NAA11: variants seen among roughly 807,000 people sequenced by gnomAD.
The protein encoded by NAA11 is N-alpha-acetyltransferase 11.
In NAA11, 15 loss-of-function variants were observed where a neutral mutation model predicts 16.1. That is an observed-to-expected ratio of 0.93 (90% CI 0.62 to 1.44). The LOEUF (loss-of-function observed/expected upper bound fraction) is 1.44, where lower values mean the gene tolerates loss of function less well. Among genes scored for constraint, NAA11 ranks in the 40% most tolerant of loss-of-function variants. The pLI, the probability that NAA11 is intolerant of heterozygous loss-of-function variation, is 0.00. For missense variants in NAA11, 298 were observed against 291.3 expected (o/e 1.02, Z -0.17); for synonymous variants, 122 against 112.4 (o/e 1.09, Z -0.54).
chr4:79,226,152 A>G (rs1048256285), exon 3 of NAA11: 7 of 152,042 alleles, frequency 4.6e-5, no homozygotes, highest in African/African-American at 1.4e-4. Context: ...TGAATGCCAC[A>G]TATTTCAAGA....
At chr4:79,280,412 GA>G (rs1722757969) in intron 2 of NAA11, among the ~76,000 whole-genome samples, 1 of 152,086 alleles carries the variant, frequency 6.6e-6, no homozygotes, top group African/African-American at 2.4e-5. Context: ...ATGCAAGGCA[GA>G]AAAGTTGTTT....
At chr4:79,284,367 T>C (rs991562412) in intron 2 of NAA11, among the ~76,000 whole-genome samples, 3 of 152,100 alleles carry the variant, frequency 2.0e-5, no homozygotes, top group Non-Finnish European at 4.4e-5. Flanking sequence ...GCTTTTCTAT[T>C]TACTTCTTAA....
chr4:79,306,876 T>C (rs1240821357), intron 1 of NAA11: 1 of 152,192 alleles, frequency 6.6e-6, no homozygotes. Flanking sequence ...TGTTACCTCA[T>C]CAAGAAGCAG....
At chr4:79,190,768 C>G in the NAA11 span, among the ~76,000 whole-genome samples, 1 of 151,990 alleles carries the variant, frequency 6.6e-6, no homozygotes, top group Non-Finnish European at 1.5e-5. Context: ...TTTCCTCACC[C>G]GGGTATTAAG....
the NAA11 span, among the ~76,000 whole-genome samples, chr4:79,177,121 ACT>A: frequency 9.2e-5 from 14 of 151,712 alleles, no homozygotes; most frequent in Non-Finnish European, 1.2e-4. Context: ...AAATATGAAC[ACT>A]CTATATGTAT....
At chr4:79,277,171 A>C (rs1188183682) in intron 2 of NAA11, among the ~76,000 whole-genome samples, 3 of 152,180 alleles carry the variant, frequency 2.0e-5, no homozygotes, top group African/African-American at 7.2e-5. Flanking sequence ...TGAGTTAGCC[A>C]GCAACTCAAG....
chr4:79,189,720 A>G, the NAA11 span, among the ~76,000 whole-genome samples: 2 of 152,180 alleles, frequency 1.3e-5, no homozygotes, highest in Non-Finnish European at 2.9e-5. Context: ...GCCATCCCCT[A>G]TCTGAATACT....
intron 2 of NAA11, among the ~76,000 whole-genome samples, chr4:79,282,824 C>T (rs183470767): frequency 6.6e-6 from 1 of 152,140 alleles, no homozygotes; most frequent in Non-Finnish European, 1.5e-5. Flanking sequence ...CTCCATGGAA[C>T]TGGATGAAAT....
At chr4:79,184,362 C>G in the NAA11 span, among the ~76,000 whole-genome samples, 1 of 152,002 alleles carries the variant, frequency 6.6e-6, no homozygotes, top group Non-Finnish European at 1.5e-5. Context: ...CTAGAGGAAA[C>G]AAATAAAATC....
Position 79,325,493 on chromosome 4 carries a change from G to A in NAA11, c.385C>T (p.Gln129Ter). Residue 129 changes from glutamine to a stop codon, truncating the protein, a stop_gained, in exon 1 of 2, where the codon CAG (glutamine) becomes TAG (stop). Coordinates refer to ENST00000286794, the MANE Select transcript of NAA11 (RefSeq NM_032693.3). LOFTEE classifies it high-confidence loss of function. ...TATTTAGGTTCCACCTCACTAATCTGAAAGTTGAGGGTGTTAGAATAAAGG... is the reference window on the plus strand; with the variant it reads ...TATTTAGGTTCCACCTCACTAATCTAAAAGTTGAGGGTGTTAGAATAAAGG... ...LHLYSNTLNF[Q>*]ISEVEPKYYA... 6.2e-7 allele frequency: 1 copy of A among 1,614,200 alleles called. No individual in the cohort carries two copies. Among genetic ancestry groups the A allele is most frequent in the Non-Finnish European group, 8.5e-7 (1 of 1,180,040 alleles).
At chr4:79,188,594 GAAAA>G in the NAA11 span, among the ~76,000 whole-genome samples, 1 of 136,294 alleles carries the variant, frequency 7.3e-6, no homozygotes, top group South Asian at 2.4e-4. Context: ...CAAAAAAAAA[GAAAA>G]AAAAAAAGAC....
the NAA11 span, among the ~76,000 whole-genome samples, chr4:79,161,379 G>C: frequency 1.3e-5 from 2 of 152,086 alleles, no homozygotes; most frequent in African/African-American, 4.8e-5. Context: ...CCAATTATCT[G>C]TATGACTATC....
At chr4:79,262,020 A>T (rs1053811881) in intron 2 of NAA11, among the ~76,000 whole-genome samples, 1 of 152,146 alleles carries the variant, frequency 6.6e-6, no homozygotes, top group Non-Finnish European at 1.5e-5. Context: ...AGAGAACTGG[A>T]TATCTGAGGA....
At chr4:79,184,031 A>G in the NAA11 span, among the ~76,000 whole-genome samples, 9 of 152,306 alleles carry the variant, frequency 5.9e-5, no homozygotes, top group African/African-American at 1.7e-4. Context: ...CTACATTTCT[A>G]TTAAGAGCCA....
chr4:79,196,955 C>CAAAAAAAAAAAAAAAAA, the NAA11 span, among the ~76,000 whole-genome samples: 44 of 86,188 alleles, frequency 5.1e-4, 1 homozygote, highest in East Asian at 1.4e-3. Context: ...ATGAAAAAGA[C>CAAAAAAAAAAAAAAAAA]AAAAAAAAAA....
intron 2 of NAA11, among the ~76,000 whole-genome samples, chr4:79,252,804 A>T (rs1722025377): frequency 6.6e-6 from 1 of 152,236 alleles, no homozygotes. Flanking sequence ...CATATCACAC[A>T]GGTCCCTGAG....
the NAA11 span, among the ~76,000 whole-genome samples, chr4:79,202,356 C>G: frequency 2.0e-5 from 3 of 150,714 alleles, no homozygotes; most frequent in Non-Finnish European, 4.5e-5. Flanking sequence ...TACCATTTTC[C>G]TCATTATATT....
chr4:79,255,981 A>G (rs972173455), intron 2 of NAA11, among the ~76,000 whole-genome samples: 2 of 152,176 alleles, frequency 1.3e-5, no homozygotes, highest in Non-Finnish European at 2.9e-5. Context: ...TAGTAAATTG[A>G]CATGGCTCGC....
intron 2 of NAA11, among the ~76,000 whole-genome samples, chr4:79,272,904 A>G (rs143454722): frequency 6.6e-6 from 1 of 151,954 alleles, no homozygotes. Flanking sequence ...GGAACAGTTG[A>G]TGGGGGCTGC....
Sources: gnomAD v4.1 joint callset for allele counts (sites outside exome capture counted in the v4.1 genomes callset) on GRCh38, gnomAD v4.1.1 for gene constraint, MANE v1.5 for transcripts, NCBI Gene and HGNC (gene_info 2026-07-23, HGNC 2026-07-21) for gene names.